PTPRG: variants seen among roughly 807,000 people sequenced by gnomAD.
PTPRG encodes the protein protein tyrosine phosphatase receptor type G, also known as receptor-type tyrosine-protein phosphatase gamma.
A neutral mutation model predicts 165.3 loss-of-function variants in PTPRG; 102 were observed. The observed-to-expected ratio is 0.62, with a 90% CI of 0.53 to 0.73. The LOEUF (loss-of-function observed/expected upper bound fraction) is 0.73. PTPRG is among the 30% of genes least tolerant of loss of function. The pLI is 0.00. For missense variants in PTPRG, 1,866 were observed against 1,861.4 expected (o/e 1.00, Z -0.05); for synonymous variants, 675 against 669.5 (o/e 1.01, Z -0.13).
chr3:61,621,953 A>G (rs1194804016), intron 1 of PTPRG, among the ~76,000 whole-genome samples: 1 of 152,142 alleles, frequency 6.6e-6, no homozygotes, highest in Non-Finnish European at 1.5e-5. Flanking sequence ...ATTTTGGGGT[A>G]ATTATTATCT....
intron 5 of PTPRG, among the ~76,000 whole-genome samples, chr3:62,101,425 C>G (rs1413187121): frequency 2.6e-5 from 4 of 152,320 alleles, no homozygotes; most frequent in Non-Finnish European, 2.9e-5. Context: ...CAAAGAATAA[C>G]TGATTGTTCA....
intron 12 of PTPRG, among the ~76,000 whole-genome samples, chr3:62,212,985 G>A (rs911257822): frequency 6.6e-6 from 1 of 151,992 alleles, no homozygotes; most frequent in Non-Finnish European, 1.5e-5. Context: ...AGATGGAGGT[G>A]AGGAGGAGCT....
chr3:62,176,097 C>T (rs961428683), intron 8 of PTPRG, among the ~76,000 whole-genome samples: 4 of 152,084 alleles, frequency 2.6e-5, no homozygotes, highest in African/African-American at 7.2e-5. Context: ...TGTTATGTGG[C>T]GAATGCTTGC....
intron 1 of PTPRG, among the ~76,000 whole-genome samples, chr3:61,704,617 T>C (rs545036286): frequency 1.3e-5 from 2 of 150,380 alleles, no homozygotes; most frequent in South Asian, 2.1e-4. Flanking sequence ...ACTAGTCTTA[T>C]GTTAAATTCT....
chr3:61,822,195 T>G (rs1575693053), intron 2 of PTPRG, among the ~76,000 whole-genome samples: 1 of 152,226 alleles, frequency 6.6e-6, no homozygotes, highest in Non-Finnish European at 1.5e-5. Context: ...CAATACTGTT[T>G]CTTTGACTTC....
chr3:62,161,290 T>C lies in PTPRG; in HGVS notation c.840+4066T>C, dbSNP rs140436632. ...ATCACCAGCCTTTAAAGCAGGACTGTCTGGTAGAAGTAAAATCACATCATT... is the reference window on the plus strand; with the variant it reads ...ATCACCAGCCTTTAAAGCAGGACTGCCTGGTAGAAGTAAAATCACATCATT... On this transcript the variant is annotated intron_variant, in intron 7 of 29. Coordinates refer to ENST00000474889, the MANE Select transcript of PTPRG (RefSeq NM_002841.4). Among the ~76,000 whole-genome samples the C allele has an allele frequency of 4.1e-3, 621 of 152,306 alleles. 6 individuals are homozygous for C. The highest frequency in any genetic ancestry group is 0.014 in the African/African-American group (577 of 41,556).
At chr3:62,057,955 G>A (rs957541354) in intron 4 of PTPRG, among the ~76,000 whole-genome samples, 1 of 152,200 alleles carries the variant, frequency 6.6e-6, no homozygotes, top group African/African-American at 2.4e-5. Context: ...AAATACTTCA[G>A]GTGTAGGCAT....
rs1390511428 is a variant in PTPRG, at chr3:62,059,287, ACT to A, written c.520-18870_520-18869del. Among the ~76,000 whole-genome samples, 3 of 152,032 alleles carry A rather than the reference ACT, an allele frequency of 2.0e-5. No homozygotes were observed. In the East Asian group the frequency reaches 5.8e-4, roughly 29 times the overall value. On this transcript the variant is annotated intron_variant, in intron 4 of 29. Coordinates refer to ENST00000474889, the MANE Select transcript of PTPRG (RefSeq NM_002841.4). ...AATTATAGATGATTCTTAGACTTGG[ACT>A]CTCTCAAATTCTGGTTCCTCATTCC... is the stretch of plus-strand genomic sequence containing the variant.
chr3:61,897,608 G>A lies in PTPRG; in HGVS notation c.191-92017G>A, dbSNP rs78896158. The stretch of plus-strand genomic sequence containing the variant: ...ATAGAAGTTTTATAGTCTTGTGGAT[G>A]TCTGCAAAAACTTTCCTGGGATTTT... On this transcript the variant is annotated intron_variant, in intron 2 of 29. Transcript: ENST00000474889. Among the ~76,000 whole-genome samples, 813 of 152,242 alleles carry A rather than the reference G, an allele frequency of 5.3e-3. 4 individuals are homozygous for A. Among genetic ancestry groups the A allele is most frequent in the Non-Finnish European group, 7.1e-3 (486 of 67,998 alleles).
At chr3:61,891,137 G>T (rs2038202547) in intron 2 of PTPRG, among the ~76,000 whole-genome samples, 1 of 152,008 alleles carries the variant, frequency 6.6e-6, no homozygotes, top group African/African-American at 2.4e-5. Context: ...GGCTAACATA[G>T]CAAAACCCCA....
chr3:61,655,214 G>T (rs1310216929), intron 1 of PTPRG, among the ~76,000 whole-genome samples: 1 of 152,182 alleles, frequency 6.6e-6, no homozygotes, highest in Non-Finnish European at 1.5e-5. Context: ...CAAGGGCACA[G>T]TGCTGCCTCT....
At chr3:61,692,323 C>T (rs934738059) in intron 1 of PTPRG, among the ~76,000 whole-genome samples, 1 of 152,076 alleles carries the variant, frequency 6.6e-6, no homozygotes, top group African/African-American at 2.4e-5. Flanking sequence ...GGTTTTTCAG[C>T]TATAAAATGT....
chr3:61,570,496 CTAAG>C (rs922161176), intron 1 of PTPRG, among the ~76,000 whole-genome samples: 1 of 152,154 alleles, frequency 6.6e-6, no homozygotes, highest in African/African-American at 2.4e-5. Flanking sequence ...TACTGTCTTT[CTAAG>C]TGAGTGAAGC....
intron 1 of PTPRG, among the ~76,000 whole-genome samples, chr3:61,605,503 A>T (rs1291822749): frequency 6.6e-6 from 1 of 151,912 alleles, no homozygotes; most frequent in Admixed American, 6.6e-5. Flanking sequence ...GGATCTGTCC[A>T]CTTTGGCCTC....
At chr3:61,742,423 T>TTTTTTTAATG in intron 1 of PTPRG, 1 of 1,283,580 alleles carries the variant, frequency 7.8e-7, no homozygotes, top group Non-Finnish European at 1.0e-6. Flanking sequence ...TTTTTTTTTT[T>TTTTTTTAATG]GAACTGGTAA....
At position 62,293,786 on chromosome 3, in the gene PTPRG, T is replaced by TG. The variant is rs1412223894; in HGVS notation, c.*481dup. On this transcript the variant is annotated 3_prime_UTR_variant, in exon 30 of 30. Coordinates refer to ENST00000474889, the MANE Select transcript of PTPRG (RefSeq NM_002841.4). ...ATACTGTATGCCTTCTGTATTTTAATGGAGTGGATAGCATTGTTTTCTTTT... is the reference window on the plus strand; with the variant it reads ...ATACTGTATGCCTTCTGTATTTTAATGGGAGTGGATAGCATTGTTTTCTTTT... The TG allele has an allele frequency of 6.6e-6, 1 of 152,628 alleles. No individual in the cohort carries two copies. Among genetic ancestry groups the TG allele is most frequent in the African/African-American group, 2.4e-5 (1 of 41,446 alleles). 9.5% of individuals were successfully genotyped at this position (152,628 alleles called of 1,614,324 possible).
At chr3:62,008,010 A>C (rs1049891787) in intron 4 of PTPRG, among the ~76,000 whole-genome samples, 7 of 152,206 alleles carry the variant, frequency 4.6e-5, no homozygotes, top group African/African-American at 1.7e-4. Flanking sequence ...CCAGTCATTA[A>C]AACAGGATGA....
intron 1 of PTPRG, among the ~76,000 whole-genome samples, chr3:61,746,208 ATTTTTTT>A (rs750697053): frequency 0.47 from 37,692 of 80,746 alleles, 7,499 homozygotes; most frequent in Middle Eastern, 0.58. Context: ...ACACACTCTA[ATTTTTTT>A]TTTTTTTTTT....
At chr3:61,877,959 G>T (rs541050389) in intron 2 of PTPRG, among the ~76,000 whole-genome samples, 1 of 152,108 alleles carries the variant, frequency 6.6e-6, no homozygotes, top group African/African-American at 2.4e-5. Context: ...TTAGCTCCTC[G>T]CACAATAGAG....
Sources: gnomAD v4.1 joint callset for allele counts (sites outside exome capture counted in the v4.1 genomes callset) on GRCh38, gnomAD v4.1.1 for gene constraint, MANE v1.5 for transcripts, NCBI Gene and HGNC (gene_info 2026-07-23, HGNC 2026-07-21) for gene names.